The following DPYD variants were observed in gnomAD, a reference collection of about 807,000 sequenced individuals.
DPYD encodes the protein dihydropyrimidine dehydrogenase, also known as dihydropyrimidine dehydrogenase [NADP(+)].
Under a neutral mutation model 116.2 loss-of-function variants are expected in DPYD, and 109 were observed. The ratio of observed to expected loss-of-function variants is 0.94; its 90% confidence interval spans 0.80 to 1.10. The LOEUF (loss-of-function observed/expected upper bound fraction) is 1.10. Ranked by LOEUF, DPYD falls within the 50% of genes least tolerant of loss-of-function variation. The probability of loss-of-function intolerance (pLI) is 0.00; values close to 1 mark genes in which losing one functional copy is unlikely to be tolerated. For synonymous variants in DPYD, 440 were observed against 432.0 expected (o/e 1.02, Z -0.23); for missense variants, 1,302 against 1,254.5 (o/e 1.04, Z -0.57).
At chr1:97,499,407 A>G (rs1218353035) in intron 13 of DPYD, among the ~76,000 whole-genome samples, 4 of 151,774 alleles carry the variant, frequency 2.6e-5, no homozygotes, top group Admixed American at 1.3e-4. Flanking sequence ...AACATTGAAA[A>G]ACACCTTTTG....
At chr1:97,104,175 CATA>C (rs1450384264) in intron 20 of DPYD, among the ~76,000 whole-genome samples, 1 of 152,008 alleles carries the variant, frequency 6.6e-6, no homozygotes, top group Non-Finnish European at 1.5e-5. Flanking sequence ...TGATCCAGCA[CATA>C]ATAGGTGCTG....
intron 6 of DPYD, among the ~76,000 whole-genome samples, chr1:97,694,315 TA>T (rs1460949080): frequency 2.0e-5 from 3 of 152,186 alleles, no homozygotes; most frequent in Non-Finnish European, 4.4e-5. Flanking sequence ...TTATATTCAC[TA>T]ATGGATGAAG....
At chr1:97,269,265 C>G (rs1001954432) in intron 18 of DPYD, among the ~76,000 whole-genome samples, 2 of 152,164 alleles carry the variant, frequency 1.3e-5, no homozygotes, top group African/African-American at 4.8e-5. Flanking sequence ...CTACAACATT[C>G]TGATTATGAC....
chr1:97,889,870 T>G (rs1391365113), intron 1 of DPYD, among the ~76,000 whole-genome samples: 1 of 152,034 alleles, frequency 6.6e-6, no homozygotes, highest in East Asian at 1.9e-4. Context: ...CAACTTCTAC[T>G]AACTTAAAAA....
chr1:97,569,549 A>G (rs1330848716), intron 11 of DPYD, among the ~76,000 whole-genome samples: 1 of 151,752 alleles, frequency 6.6e-6, no homozygotes, highest in Admixed American at 6.6e-5. Context: ...AAATGCAGTT[A>G]CAGAAAGTTT....
At chr1:97,184,262 G>A (rs1570622556) in intron 20 of DPYD, among the ~76,000 whole-genome samples, 1 of 152,032 alleles carries the variant, frequency 6.6e-6, no homozygotes, top group Non-Finnish European at 1.5e-5. Flanking sequence ...AATGATTTAT[G>A]TTCCTTTGGG....
intron 16 of DPYD, chr1:97,322,867 C>T (rs1408460922): frequency 6.6e-6 from 1 of 151,946 alleles, no homozygotes; most frequent in Non-Finnish European, 1.5e-5. Flanking sequence ...CATACAGCAG[C>T]TCTAAAGAGC....
At chr1:97,499,816 A>T (rs1201646608) in intron 13 of DPYD, among the ~76,000 whole-genome samples, 1 of 151,962 alleles carries the variant, frequency 6.6e-6, no homozygotes, top group East Asian at 1.9e-4. Flanking sequence ...TTATTTACAC[A>T]ATAGTGTAAG....
At chr1:97,237,159 G>A (rs1325074691) in intron 18 of DPYD, among the ~76,000 whole-genome samples, 1 of 145,564 alleles carries the variant, frequency 6.9e-6, no homozygotes, top group East Asian at 2.1e-4. Context: ...GAGAATTGCT[G>A]GAACCCAGGA....
At chr1:97,855,974 G>A (rs911477608) in intron 2 of DPYD, 4 of 152,198 alleles carry the variant, frequency 2.6e-5, no homozygotes, top group Non-Finnish European at 5.9e-5. Flanking sequence ...TGGAGACGAC[G>A]ACATGGATGC....
intron 19 of DPYD, among the ~76,000 whole-genome samples, chr1:97,200,452 G>C (rs1486188494): frequency 3.9e-5 from 6 of 152,218 alleles, no homozygotes; most frequent in Non-Finnish European, 7.4e-5. Flanking sequence ...TTATGTATCT[G>C]GAAGAGGTTC....
At chr1:97,317,620 A>T (rs889331478) in intron 16 of DPYD, among the ~76,000 whole-genome samples, 3 of 152,030 alleles carry the variant, frequency 2.0e-5, no homozygotes, top group Non-Finnish European at 2.9e-5. Context: ...TCAGTGCTAG[A>T]CTTAGAAAAC....
intron 20 of DPYD, among the ~76,000 whole-genome samples, chr1:97,165,163 AC>A (rs1315297594): frequency 6.6e-6 from 1 of 152,164 alleles, no homozygotes; most frequent in African/African-American, 2.4e-5. Context: ...GCATCAAGTT[AC>A]CTGACTCTAA....
intron 5 of DPYD, among the ~76,000 whole-genome samples, chr1:97,701,594 A>C (rs1661601109): frequency 6.6e-6 from 1 of 151,914 alleles, no homozygotes; most frequent in African/African-American, 2.4e-5. Flanking sequence ...AGAATGAGGA[A>C]TAAAGGTGAC....
intron 1 of DPYD, chr1:97,883,721 A>G: frequency 5.6e-6 from 2 of 359,852 alleles, no homozygotes; most frequent in South Asian, 4.7e-5. Flanking sequence ...TGCTGGGGTT[A>G]CAGGTGTGAG....
At chr1:97,365,276 C>T (rs886138050) in intron 16 of DPYD, among the ~76,000 whole-genome samples, 10 of 152,190 alleles carry the variant, frequency 6.6e-5, no homozygotes, top group African/African-American at 1.9e-4. Flanking sequence ...CTAGACCCTC[C>T]CTTTTCCTGC....
chr1:97,777,179 C>T (rs1044947048), intron 3 of DPYD, among the ~76,000 whole-genome samples: 9 of 152,044 alleles, frequency 5.9e-5, no homozygotes, highest in African/African-American at 2.2e-4. Context: ...AAATGTTTCG[C>T]TTTTTCACCC....
chr1:97,248,015 C>T (rs1218192992), intron 18 of DPYD, among the ~76,000 whole-genome samples: 2 of 152,030 alleles, frequency 1.3e-5, no homozygotes, highest in African/African-American at 4.8e-5. Flanking sequence ...TTTTATAAAG[C>T]CAGTATAATC....
chr1:97,383,583 AC>A (rs1365202492), intron 14 of DPYD, among the ~76,000 whole-genome samples: 2 of 152,106 alleles, frequency 1.3e-5, no homozygotes, highest in African/African-American at 4.8e-5. Flanking sequence ...AATGGTTTTT[AC>A]TTTATTAACT....
Sources: gnomAD v4.1 joint callset for allele counts (sites outside exome capture counted in the v4.1 genomes callset) on GRCh38, gnomAD v4.1.1 for gene constraint, MANE v1.5 for transcripts, NCBI Gene and HGNC (gene_info 2026-07-23, HGNC 2026-07-21) for gene names.